Variants in CPED1 observed in about 807,000 individuals in gnomAD.
The protein encoded by CPED1 is cadherin like and PC-esterase domain containing 1, also known as cadherin-like and PC-esterase domain-containing protein 1.
CPED1 carries 114 observed loss-of-function variants against 128.2 expected under a neutral mutation model. The ratio of observed to expected loss-of-function variants is 0.89; its 90% CI spans 0.76 to 1.04. The LOEUF (loss-of-function observed/expected upper bound fraction) is 1.04. Ranked by LOEUF, CPED1 falls within the 50% of genes least tolerant of loss-of-function variation. The pLI is 0.00. For synonymous variants in CPED1, 462 were observed against 426.7 expected (o/e 1.08, Z -1.02); for missense variants, 1,211 against 1,207.1 (o/e 1.00, Z -0.05).
At chr7:121,063,905 T>C (rs1219739765) in intron 4 of CPED1, among the ~76,000 whole-genome samples, 1 of 152,186 alleles carries the variant, frequency 6.6e-6, no homozygotes. Context: ...GAATTGCCAC[T>C]AAATATCAAG....
At chr7:121,024,322 G>C (rs1051084587) in intron 3 of CPED1, among the ~76,000 whole-genome samples, 14 of 152,034 alleles carry the variant, frequency 9.2e-5, no homozygotes, top group African/African-American at 3.4e-4. Context: ...CCATTCTGAT[G>C]TTTTCTTTAC....
chr7:121,018,697 C>A (rs949544484), intron 3 of CPED1, among the ~76,000 whole-genome samples: 2 of 152,074 alleles, frequency 1.3e-5, no homozygotes, highest in African/African-American at 4.8e-5. Context: ...CCTGATCCAT[C>A]CCATTCTCCT....
intron 11 of CPED1, 124 bp from the exon 12 acceptor site, chr7:121,130,001 C>A: frequency 1.2e-6 from 1 of 817,892 alleles, no homozygotes. Flanking sequence ...ATTTATGGTA[C>A]TGACCAATGG....
intron 5 of CPED1, among the ~76,000 whole-genome samples, chr7:121,078,927 A>G (rs1794209184): frequency 6.6e-6 from 1 of 152,156 alleles, no homozygotes; most frequent in South Asian, 2.1e-4. Context: ...GTGTCAGCAG[A>G]GCTGCTTTCT....
chr7:121,283,952 T>C (rs1424754485), intron 22 of CPED1, among the ~76,000 whole-genome samples: 2 of 152,198 alleles, frequency 1.3e-5, no homozygotes, highest in Admixed American at 6.5e-5. Context: ...CAGTTACTTA[T>C]AGTTGCTCAC....
intron 3 of CPED1, among the ~76,000 whole-genome samples, chr7:121,031,382 G>A (rs910049623): frequency 6.6e-6 from 1 of 152,088 alleles, no homozygotes; most frequent in African/African-American, 2.4e-5. Context: ...CGTGATCCCA[G>A]GTTCAAGCGA....
intron 16 of CPED1, among the ~76,000 whole-genome samples, chr7:121,164,504 A>G (rs1796479317): frequency 6.6e-6 from 1 of 152,144 alleles, no homozygotes; most frequent in South Asian, 2.1e-4. Flanking sequence ...TAAAACACAG[A>G]CTGCTGGCTT....
rs184107473 is a variant in CPED1 at position 121,253,474 on chromosome 7, A to T, written c.2310+9136A>T. 9.6e-3 allele frequency among the ~76,000 whole-genome samples: 1,177 copies of T among 122,312 alleles called. 13 individuals carry two copies. The highest frequency in any genetic ancestry group is 0.039 in the African/African-American group (1,079 of 27,680). The allele number at this position is 122,312 out of a possible 152,430, so 80.2% of individuals were successfully genotyped here. ...ACTTAAAGTATAATAATAATAAAAT[A>T]AAAAAAAGGAACATAGCTCACTGGC... is the stretch of plus-strand genomic sequence containing the variant. On this transcript the variant is annotated intron_variant, in intron 18 of 22. Transcript: ENST00000310396.
chr7:121,172,913 G>A (rs1217534120), intron 16 of CPED1, among the ~76,000 whole-genome samples: 2 of 152,160 alleles, frequency 1.3e-5, no homozygotes, highest in Non-Finnish European at 1.5e-5. Context: ...CAGATGTCCA[G>A]TGATTAATAG....
intron 5 of CPED1, among the ~76,000 whole-genome samples, chr7:121,094,714 G>A (rs538038278): frequency 5.9e-5 from 9 of 152,254 alleles, no homozygotes; most frequent in African/African-American, 2.2e-4. Flanking sequence ...GAACCAAAAC[G>A]AAAGCCCAGG....
intron 5 of CPED1, among the ~76,000 whole-genome samples, chr7:121,093,397 TAC>T (rs10526224): frequency 0.011 from 1,607 of 145,340 alleles, 23 homozygotes; most frequent in South Asian, 0.034. Context: ...CCTTTTTCTG[TAC>T]ACACACACAC....
chr7:121,012,196 C>T (rs1164950173), intron 2 of CPED1, among the ~76,000 whole-genome samples: 9 of 152,186 alleles, frequency 5.9e-5, no homozygotes, highest in Non-Finnish European at 1.5e-5. Flanking sequence ...TGACAACATT[C>T]TGTCCTTTGC....
At chr7:121,182,004 A>G (rs186226462) in intron 16 of CPED1, among the ~76,000 whole-genome samples, 1 of 152,178 alleles carries the variant, frequency 6.6e-6, no homozygotes, top group East Asian at 1.9e-4. Context: ...AACCTGGGAA[A>G]CTAGGGGGAC....
chr7:121,027,874 T>G (rs940844056), intron 3 of CPED1, among the ~76,000 whole-genome samples: 3 of 152,070 alleles, frequency 2.0e-5, no homozygotes, highest in African/African-American at 7.2e-5. Context: ...GGGGAACTCT[T>G]GGAATTTAAA....
intron 5 of CPED1, among the ~76,000 whole-genome samples, chr7:121,097,039 A>T (rs1215532294): frequency 6.6e-6 from 1 of 152,150 alleles, no homozygotes; most frequent in African/African-American, 2.4e-5. Context: ...TCTAGATAGA[A>T]GTGAATTGGA....
At chr7:121,123,676 C>A (rs1054038299) in intron 7 of CPED1, among the ~76,000 whole-genome samples, 1 of 152,096 alleles carries the variant, frequency 6.6e-6, no homozygotes, top group African/African-American at 2.4e-5. Context: ...CACAATTGAG[C>A]TTCATTCCCC....
At chr7:121,202,953 T>C (rs575640635) in intron 16 of CPED1, among the ~76,000 whole-genome samples, 1 of 152,216 alleles carries the variant, frequency 6.6e-6, no homozygotes, top group Non-Finnish European at 1.5e-5. Context: ...ACCGAGTGCC[T>C]TTTTTTCTAG....
intron 16 of CPED1, among the ~76,000 whole-genome samples, chr7:121,161,243 C>G (rs780669481): frequency 9.2e-5 from 14 of 152,264 alleles, no homozygotes; most frequent in Non-Finnish European, 1.6e-4. Context: ...TCTGGAACCT[C>G]TGGGGAAGAG....
chr7:121,224,376 C>A (rs1797953228), intron 16 of CPED1, among the ~76,000 whole-genome samples: 1 of 152,002 alleles, frequency 6.6e-6, no homozygotes, highest in South Asian at 2.1e-4. Flanking sequence ...TCTTTGCTTC[C>A]AATTATGTGG....
Sources: allele counts gnomAD v4.1 joint callset (sites outside exome capture counted in the v4.1 genomes callset), GRCh38; gene constraint gnomAD v4.1.1; transcripts MANE v1.5; gene names NCBI Gene and HGNC (gene_info 2026-07-23, HGNC 2026-07-21).